RGS6: variants seen among roughly 807,000 people sequenced by gnomAD.
The protein encoded by RGS6 is regulator of G protein signaling 6, also known as regulator of G-protein signaling 6.
In RGS6, 30 loss-of-function variants were observed where a neutral mutation model predicts 78.5. The observed-to-expected ratio is 0.38, with a 90% CI of 0.29 to 0.52. The LOEUF is 0.52. RGS6 is among the 20% of genes least tolerant of loss of function. The probability of loss-of-function intolerance (pLI) is 0.85; values close to 1 mark genes in which losing one functional copy is unlikely to be tolerated. For missense variants in RGS6, 495 were observed against 609.7 expected, an observed-to-expected ratio of 0.81 and a Z score of 1.98; for synonymous variants, 206 against 206.0, an observed-to-expected ratio of 1.00 and a Z score of 0.00.
chr14:72,171,985 G>A (rs773641344), intron 2 of RGS6, among the ~76,000 whole-genome samples: 16 of 152,152 alleles, frequency 1.1e-4, no homozygotes, highest in Non-Finnish European at 1.6e-4. Context: ...CTCCTGCAGG[G>A]TCGATGAGCT....
the RGS6 span, among the ~76,000 whole-genome samples, chr14:72,579,946 A>G: frequency 3.3e-5 from 5 of 152,320 alleles, no homozygotes; most frequent in East Asian, 7.7e-4. Context: ...TGAGATCTGG[A>G]CAATAGGAAA....
the RGS6 span, among the ~76,000 whole-genome samples, chr14:71,880,611 C>A: frequency 1.3e-5 from 2 of 152,208 alleles, no homozygotes; most frequent in Non-Finnish European, 2.9e-5. Context: ...CAAGCCTTGG[C>A]TGCTTCCATG....
intron 3 of RGS6, among the ~76,000 whole-genome samples, chr14:72,422,508 G>A (rs930260902): frequency 2.0e-5 from 3 of 152,132 alleles, no homozygotes; most frequent in South Asian, 2.1e-4. Flanking sequence ...TCAAGTGGGC[G>A]AGAGAAAGAA....
At chr14:72,224,059 G>C (rs1450660099) in intron 2 of RGS6, among the ~76,000 whole-genome samples, 1 of 152,194 alleles carries the variant, frequency 6.6e-6, no homozygotes, top group African/African-American at 2.4e-5. Flanking sequence ...TTATCATTGG[G>C]ATTTTTGCCG....
At chr14:72,490,411 T>C (rs1436942536) in intron 12 of RGS6, among the ~76,000 whole-genome samples, 1 of 152,190 alleles carries the variant, frequency 6.6e-6, no homozygotes, top group African/African-American at 2.4e-5. Flanking sequence ...ATCAGCAGCA[T>C]GAAAACAAAC....
chr14:71,978,766 C>T lies in RGS6; in HGVS notation c.84+13891C>T, dbSNP rs573561331. ...CTGCCAGGCTTTGGTATCAGGGTGA[C>T]GCTGGCCTCATAAAATGAGTTAGGG... On this transcript the variant is annotated intron_variant, in intron 2 of 17. Transcript: ENST00000553525. 1.6e-3 allele frequency among the ~76,000 whole-genome samples: 239 copies of T among 152,254 alleles called. 1 individual carries two copies. In the Middle Eastern group the frequency reaches 0.027, roughly 17 times the overall value.
intron 13 of RGS6, among the ~76,000 whole-genome samples, chr14:72,502,465 T>C (rs2096739727): frequency 1.3e-5 from 2 of 152,182 alleles, no homozygotes; most frequent in Non-Finnish European, 2.9e-5. Flanking sequence ...GATGGTTTGT[T>C]ACACAGCGTA....
chr14:72,238,782 C>A (rs1446996931), intron 2 of RGS6, among the ~76,000 whole-genome samples: 1 of 152,146 alleles, frequency 6.6e-6, no homozygotes, highest in East Asian at 1.9e-4. Context: ...TGAAAACCAG[C>A]CTCCAACCTG....
chr14:72,586,236 C>A, the RGS6 span, among the ~76,000 whole-genome samples: 1 of 152,170 alleles, frequency 6.6e-6, no homozygotes, highest in African/African-American at 2.4e-5. Context: ...GAAATTTGAT[C>A]CCCAGTGTTG....
intron 15 of RGS6, among the ~76,000 whole-genome samples, chr14:72,525,552 T>G (rs1264130120): frequency 6.6e-6 from 1 of 152,236 alleles, no homozygotes; most frequent in Non-Finnish European, 1.5e-5. Flanking sequence ...TATTATTACC[T>G]AAGTGTAGAT....
At chr14:72,512,550 G>C (rs2096891545) in intron 14 of RGS6, among the ~76,000 whole-genome samples, 1 of 152,162 alleles carries the variant, frequency 6.6e-6, no homozygotes, top group African/African-American at 2.4e-5. Context: ...TCATGTGCCA[G>C]AGCCTAAGCC....
chr14:72,568,472 A>C (rs1274784570), downstream of RGS6, among the ~76,000 whole-genome samples: 1 of 152,120 alleles, frequency 6.6e-6, no homozygotes, highest in Non-Finnish European at 1.5e-5. Flanking sequence ...GCCAACCTCG[A>C]GGCTGTAGGC....
At chr14:72,314,488 A>C (rs1251689814) in intron 2 of RGS6, among the ~76,000 whole-genome samples, 1 of 152,132 alleles carries the variant, frequency 6.6e-6, no homozygotes, top group African/African-American at 2.4e-5. Context: ...GGGAGTTTCT[A>C]GCTATAGAAA....
At chr14:72,349,526 C>G (rs528316194) in intron 2 of RGS6, among the ~76,000 whole-genome samples, 1 of 152,192 alleles carries the variant, frequency 6.6e-6, no homozygotes, top group Non-Finnish European at 1.5e-5. Flanking sequence ...GAGTCAGGAA[C>G]TGGGGGGCAA....
At chr14:72,431,487 G>C (rs1401255506) in intron 3 of RGS6, among the ~76,000 whole-genome samples, 1 of 151,574 alleles carries the variant, frequency 6.6e-6, no homozygotes, top group Non-Finnish European at 1.5e-5. Flanking sequence ...CAAGTAGCTG[G>C]GATTACATGC....
At chr14:72,462,948 A>G (rs2095818735) in intron 6 of RGS6, among the ~76,000 whole-genome samples, 1 of 152,252 alleles carries the variant, frequency 6.6e-6, no homozygotes, top group African/African-American at 2.4e-5. Flanking sequence ...GAGGTACATA[A>G]TGATGTTGCT....
chr14:72,528,412 A>G (rs537951998), intron 15 of RGS6, among the ~76,000 whole-genome samples: 2 of 152,060 alleles, frequency 1.3e-5, no homozygotes, highest in South Asian at 4.2e-4. Flanking sequence ...GCCATCAACC[A>G]CTCCAGGGAT....
In RGS6 at chr14:72,472,936, G is replaced by A. The variant is rs774541980; in HGVS notation, c.601G>A (p.Asp201Asn). 2 of 1,612,752 alleles carry A rather than the reference G, an allele frequency of 1.2e-6. No individual in the cohort carries two copies. The highest frequency in any genetic ancestry group is 2.2e-5 in the South Asian group (2 of 90,922). ...ILDSQERAFW[D>N]VHRPVPGCVN... ...GGATAGTCAAGAACGAGCCTTTTGG[G>A]ATGTCCACAGGCCTGTGGTGAGAAA... Residue 201 changes from aspartate (D) to asparagine (N), a missense_variant, in exon 9 of 18, where the codon GAT (aspartate) becomes AAT (asparagine). Asp to Asn is a conservative substitution (Grantham distance 23). Coordinates refer to ENST00000553525, the MANE Select transcript of RGS6 (RefSeq NM_001204424.2).
At chr14:71,929,206 C>T (rs1218800958), upstream of RGS6, among the ~76,000 whole-genome samples, 2 of 152,286 alleles carry the variant, frequency 1.3e-5, no homozygotes, top group African/African-American at 4.8e-5. Flanking sequence ...CCACAGAATC[C>T]ACTGATTGTG....
Sources: gnomAD v4.1 joint callset for allele counts (sites outside exome capture counted in the v4.1 genomes callset) on GRCh38, gnomAD v4.1.1 for gene constraint, MANE v1.5 for transcripts, NCBI Gene and HGNC (gene_info 2026-07-23, HGNC 2026-07-21) for gene names.